The following TSPAN8 variants were observed in gnomAD, a reference collection of about 807,000 sequenced individuals.
TSPAN8 encodes the protein tetraspanin-8.
In TSPAN8, 21 loss-of-function variants were observed where a neutral mutation model predicts 32.8. The ratio of observed to expected loss-of-function variants is 0.64; its 90% CI spans 0.45 to 0.92. TSPAN8 has a LOEUF of 0.92. TSPAN8 is among the 40% of genes least tolerant of loss of function. TSPAN8 has a pLI of 0.00. For synonymous variants in TSPAN8, 95 were observed against 94.6 expected (o/e 1.00, Z -0.03); for missense variants, 269 against 281.9 (o/e 0.95, Z 0.33).
intron 3 of TSPAN8, among the ~76,000 whole-genome samples, chr12:71,142,863 A>T (rs1871949840): frequency 1.3e-5 from 2 of 149,150 alleles, no homozygotes; most frequent in Non-Finnish European, 3.0e-5. Flanking sequence ...AAAAAAAAAC[A>T]GAGATAGAGT....
chr12:71,132,609 G>A, intron 7 of TSPAN8, 84 bp downstream of exon 7: 2 of 1,455,662 alleles, frequency 1.4e-6, no homozygotes, highest in Non-Finnish European at 1.9e-6. Context: ...GGTACTCCAT[G>A]CATTTTAATT....
intron 3 of TSPAN8, 115 bp downstream of exon 3, chr12:71,144,036 A>T: frequency 1.2e-6 from 1 of 814,452 alleles, no homozygotes; most frequent in Non-Finnish European, 1.9e-6. Flanking sequence ...TGATTACATG[A>T]AGCAGTTAAG....
chr12:71,140,182 A>G lies in TSPAN8; in HGVS notation c.124-334T>C, dbSNP rs555455948. 5.3e-5 allele frequency among the ~76,000 whole-genome samples: 8 copies of G among 152,340 alleles called. 1 individual carries two copies. The South Asian group carries it at 1.7e-3, about 32-fold the overall frequency. ...ATTTTGTGTATTCTATATAAAGTGC[A>G]TTATAAAAGCATGTGTTGTTATGGT... is the stretch of plus-strand genomic sequence containing the variant. On this transcript the variant is annotated intron_variant, in intron 3 of 8. Transcript: ENST00000247829.
chr12:71,142,596 G>C (rs1479198913), intron 3 of TSPAN8, among the ~76,000 whole-genome samples: 1 of 152,072 alleles, frequency 6.6e-6, no homozygotes. Flanking sequence ...CACTTCTTGG[G>C]CTCACACACC....
chr12:71,134,214 G>A (rs1322808955), intron 6 of TSPAN8, among the ~76,000 whole-genome samples: 1 of 152,082 alleles, frequency 6.6e-6, no homozygotes, highest in Non-Finnish European at 1.5e-5. Flanking sequence ...GTTGAAGAAA[G>A]CACTCAATAA....
chr12:71,138,773 A>G (rs756324397), intron 4 of TSPAN8, among the ~76,000 whole-genome samples: 1 of 152,144 alleles, frequency 6.6e-6, no homozygotes, highest in Non-Finnish European at 1.5e-5. Flanking sequence ...ATGAGGCCTT[A>G]TTGTTCAAAA....
intron 2 of TSPAN8, among the ~76,000 whole-genome samples, chr12:71,153,120 C>T (rs1872311409): frequency 6.6e-6 from 1 of 152,136 alleles, no homozygotes; most frequent in Non-Finnish European, 1.5e-5. Context: ...CATTATTCTA[C>T]TGCATCCACG....
Position 71,125,150 on chromosome 12 carries a change from C to T in TSPAN8, c.*184G>A, listed in dbSNP as rs1871310672. 4 of 494,700 alleles carry T rather than the reference C, an allele frequency of 8.1e-6. No homozygotes were observed. The highest frequency in any genetic ancestry group is 7.2e-5 in the South Asian group (2 of 27,720). 30.6% of individuals were successfully genotyped at this position (494,700 alleles called of 1,614,324 possible). A position where few individuals can be genotyped will look rare whatever the true frequency, so the allele number is the denominator to read the frequency against. The stretch of plus-strand genomic sequence containing the variant: ...AAAAATACACATTCATATCATTTTC[C>T]CTTATATCCCTCAAATCTTAAATGT... On this transcript the variant is annotated 3_prime_UTR_variant, in exon 9 of 9. Transcript: ENST00000247829.
chr12:71,133,363 G>A (rs1244427485), intron 6 of TSPAN8, among the ~76,000 whole-genome samples: 1 of 152,132 alleles, frequency 6.6e-6, no homozygotes, highest in African/African-American at 2.4e-5. Context: ...GGGATTCCAG[G>A]CATAAGCCAC....
chr12:71,138,483 A>G (rs565637675), intron 4 of TSPAN8, among the ~76,000 whole-genome samples: 1 of 152,326 alleles, frequency 6.6e-6, no homozygotes, highest in South Asian at 2.1e-4. Context: ...TGATATCTGT[A>G]TGATATTGAC....
intron 2 of TSPAN8, among the ~76,000 whole-genome samples, chr12:71,156,269 C>CAAAAAAAAAAA (rs1287011627): frequency 3.1e-5 from 1 of 32,514 alleles, no homozygotes. Flanking sequence ...AAAAAAAAAA[C>CAAAAAAAAAAA]AAACAAAAAA....
intron 7 of TSPAN8, 143 bp downstream of exon 7, chr12:71,132,550 A>G: frequency 3.0e-6 from 3 of 1,001,886 alleles, no homozygotes; most frequent in Non-Finnish European, 4.3e-6. Flanking sequence ...TTAAATAAGG[A>G]TTTTTTTAAT....
intron 6 of TSPAN8, among the ~76,000 whole-genome samples, chr12:71,133,807 C>T (rs1484860105): frequency 6.6e-6 from 1 of 151,906 alleles, no homozygotes; most frequent in Non-Finnish European, 1.5e-5. Flanking sequence ...GCATGTGGCA[C>T]ATGATATTAT....
intron 2 of TSPAN8, among the ~76,000 whole-genome samples, chr12:71,152,113 C>T (rs910064347): frequency 6.6e-6 from 1 of 152,124 alleles, no homozygotes; most frequent in Non-Finnish European, 1.5e-5. Context: ...CATAAAATAG[C>T]TTAGTTAATG....
intron 6 of TSPAN8, among the ~76,000 whole-genome samples, chr12:71,137,022 G>C (rs759298610): frequency 1.3e-5 from 2 of 152,172 alleles, no homozygotes; most frequent in Non-Finnish European, 2.9e-5. Flanking sequence ...TGCAATCCCA[G>C]CAATTTGGGA....
intron 2 of TSPAN8, among the ~76,000 whole-genome samples, chr12:71,149,533 T>G (rs570081017): frequency 1.3e-4 from 20 of 152,346 alleles, no homozygotes; most frequent in African/African-American, 4.6e-4. Flanking sequence ...TCATGGTTTT[T>G]AAAAAATCTT....
At chr12:71,127,003 C>T (rs1167379587) in intron 8 of TSPAN8, among the ~76,000 whole-genome samples, 1 of 152,050 alleles carries the variant, frequency 6.6e-6, no homozygotes, top group Non-Finnish European at 1.5e-5. Context: ...CAAATATTGG[C>T]CCACCTCACT....
chr12:71,153,508 A>T (rs1872322994), intron 2 of TSPAN8, among the ~76,000 whole-genome samples: 1 of 152,236 alleles, frequency 6.6e-6, no homozygotes, highest in African/African-American at 2.4e-5. Context: ...ATATTTTAAC[A>T]TCGGCTCTAC....
At chr12:71,144,723 G>A (rs1482254705) in intron 2 of TSPAN8, among the ~76,000 whole-genome samples, 1 of 152,076 alleles carries the variant, frequency 6.6e-6, no homozygotes, top group African/African-American at 2.4e-5. Context: ...GTGCAGTTAA[G>A]CAACAAGGCT....
Sources: gnomAD v4.1 joint callset for allele counts (sites outside exome capture counted in the v4.1 genomes callset) on GRCh38, gnomAD v4.1.1 for gene constraint, MANE v1.5 for transcripts, NCBI Gene and HGNC (gene_info 2026-07-23, HGNC 2026-07-21) for gene names.